The following PLD5 variants were observed in gnomAD, a reference collection of about 807,000 sequenced individuals.
PLD5 encodes phospholipase D family member 5.
Under a neutral mutation model 61.1 loss-of-function variants are expected in PLD5, and 36 were observed. That is an observed-to-expected ratio of 0.59 (90% CI 0.45 to 0.78). PLD5 has a LOEUF of 0.78. PLD5 is among the 30% of genes least tolerant of loss of function. The pLI is 0.00. For synonymous variants in PLD5, 243 were observed against 242.8 expected (o/e 1.00, Z -0.01); for missense variants, 515 against 644.4 (o/e 0.80, Z 2.17).
At chr1:242,342,857 G>A (rs1659916106) in intron 2 of PLD5, among the ~76,000 whole-genome samples, 1 of 152,052 alleles carries the variant, frequency 6.6e-6, no homozygotes, top group Non-Finnish European at 1.5e-5. Flanking sequence ...TTGATATTTT[G>A]TAGATTTGTG....
In PLD5 at chr1:242,265,433, C is replaced by G. The variant is rs12405001; in HGVS notation, c.511G>C (p.Glu171Gln). The G allele has an allele frequency of 0.016, 25,966 of 1,609,096 alleles. 854 individuals are homozygous for G. The highest frequency in any genetic ancestry group is 0.14 in the Admixed American group (8,260 of 59,290). The change falls in exon 4 of 10, where the codon GAA (glutamate) becomes CAA (glutamine). Residue 171 changes from glutamate (E) to glutamine (Q), a missense_variant. Physicochemically the swap from Glu to Gln is conservative, Grantham distance 29. Around this residue, in one of 2 missense-constraint regions of PLD5, gnomAD observed 450 missense variants for 598.1 expected, o/e 0.75. Coordinates refer to ENST00000536534, the MANE Select transcript of PLD5 (RefSeq NM_001372062.1). ...PSACQGQRLF[E>Q]KLLQLTSQNI... ...TGCGAAGTCAGCTGGAGCAACTTTT[C>G]AAAAAGACGTTGACCCTGGAAAAAA...
rs1156292888 is a variant in PLD5 at position 242,087,476 on chromosome 1, C to T, written c.*2378G>A. 3.9e-5 allele frequency: 6 copies of T among 152,126 alleles called. No individual in the cohort carries two copies. Among genetic ancestry groups the T allele is most frequent in the Non-Finnish European group, 8.8e-5 (6 of 68,032 alleles). 9.4% of individuals were successfully genotyped at this position (152,126 alleles called of 1,614,324 possible). A position where few individuals can be genotyped will look rare whatever the true frequency, so the allele number is the denominator to read the frequency against. On this transcript the variant is annotated 3_prime_UTR_variant, in exon 10 of 10. Transcript: ENST00000536534. ...CTTCAGGGGACAACTTGAGAACTAA[C>T]AAATTTTAGTTTATTTGGTTTTTTT...
intron 8 of PLD5, among the ~76,000 whole-genome samples, chr1:242,104,079 G>A (rs528754017): frequency 5.9e-5 from 9 of 152,132 alleles, no homozygotes; most frequent in South Asian, 2.1e-4. Flanking sequence ...GATATAATTC[G>A]GATGTGTAGC....
intron 1 of PLD5, among the ~76,000 whole-genome samples, chr1:242,372,670 C>G (rs1284932585): frequency 6.6e-6 from 1 of 152,096 alleles, no homozygotes; most frequent in East Asian, 1.9e-4. Context: ...TTTGACAAAC[C>G]TGACAAAAAC....
chr1:242,130,754 TTC>T lies in PLD5; in HGVS notation c.736-6091_736-6090del, dbSNP rs1488346846. On this transcript the variant is annotated intron_variant, in intron 5 of 9. Transcript: ENST00000536534. Reference sequence around the variant, plus strand: ...CTGATGGGCTGCTCTGACTTCCTAGTTCAATCACACAGTTGATTTATGCAGTC... The same window carrying T: ...CTGATGGGCTGCTCTGACTTCCTAGTAATCACACAGTTGATTTATGCAGTC... 2.0e-5 allele frequency among the ~76,000 whole-genome samples: 3 copies of T among 152,210 alleles called. No individual in the cohort carries two copies. The South Asian group carries it at 6.2e-4, about 31-fold the overall frequency.
intron 9 of PLD5, among the ~76,000 whole-genome samples, chr1:242,093,506 C>T (rs1053027344): frequency 2.0e-5 from 3 of 152,122 alleles, no homozygotes; most frequent in Non-Finnish European, 4.4e-5. Flanking sequence ...GTAATACAAA[C>T]GCCATCGTAT....
At chr1:242,452,356 C>A (rs1341213526) in intron 1 of PLD5, among the ~76,000 whole-genome samples, 1 of 152,114 alleles carries the variant, frequency 6.6e-6, no homozygotes, top group Non-Finnish European at 1.5e-5. Flanking sequence ...AAAATTGTTA[C>A]ACTTTTCAGC....
intron 1 of PLD5, among the ~76,000 whole-genome samples, chr1:242,484,587 A>C (rs1667894419): frequency 2.0e-5 from 3 of 152,220 alleles, no homozygotes; most frequent in Admixed American, 2.0e-4. Context: ...AACCAAAAAA[A>C]GTCCAGGACC....
chr1:242,374,817 A>G (rs1661853387), intron 1 of PLD5, among the ~76,000 whole-genome samples: 1 of 152,332 alleles, frequency 6.6e-6, no homozygotes, highest in Middle Eastern at 3.4e-3. Context: ...GTTAAACTTA[A>G]GCCCAAAAAT....
chr1:242,348,439 T>A (rs1447787015), intron 1 of PLD5, among the ~76,000 whole-genome samples, 197 bp from the exon 2 acceptor site: 1 of 152,104 alleles, frequency 6.6e-6, no homozygotes, highest in Non-Finnish European at 1.5e-5. Context: ...CAAACCCCAC[T>A]CTAAGTGATA....
intron 2 of PLD5, among the ~76,000 whole-genome samples, chr1:242,316,811 C>T (rs1464270235): frequency 2.0e-5 from 3 of 150,904 alleles, no homozygotes; most frequent in African/African-American, 4.9e-5. Flanking sequence ...CTCCCCTCTT[C>T]GTGTCCCTGT....
chr1:242,349,730 T>C (rs972502262), intron 1 of PLD5, among the ~76,000 whole-genome samples: 1 of 152,204 alleles, frequency 6.6e-6, no homozygotes, highest in African/African-American at 2.4e-5. Context: ...CTGTGACCAC[T>C]GTGACAAATC....
Position 242,232,556 on chromosome 1 carries a change from AT to A in PLD5, c.608-12442del, listed in dbSNP as rs565714319. Among the ~76,000 whole-genome samples, 17 of 152,288 alleles carry A rather than the reference AT, an allele frequency of 1.1e-4. No homozygotes were observed. The South Asian group carries it at 3.3e-3, about 30-fold the overall frequency. ...GAGTATATATAATTGAAGGAAAAAAATCATCAAGTCTTAGTACTTTAAAAGG... is the reference window on the plus strand; with the variant it reads ...GAGTATATATAATTGAAGGAAAAAAACATCAAGTCTTAGTACTTTAAAAGG... On this transcript the variant is annotated intron_variant, in intron 4 of 9. Transcript: ENST00000536534.
chr1:242,247,014 C>T (rs1173060682), intron 4 of PLD5, among the ~76,000 whole-genome samples: 12 of 139,574 alleles, frequency 8.6e-5, no homozygotes, highest in Admixed American at 3.9e-4. Context: ...GACGGAGTTT[C>T]GCTCTGTCGC....
chr1:242,507,015 G>A (rs2654857), intron 1 of PLD5, among the ~76,000 whole-genome samples: 31,718 of 152,082 alleles, frequency 0.21, 3,539 homozygotes, highest in African/African-American at 0.25. Context: ...AGGTGGCCCA[G>A]GCGGCAGGAA....
At chr1:242,111,692 T>C (rs1450071670) in intron 7 of PLD5, among the ~76,000 whole-genome samples, 1 of 152,226 alleles carries the variant, frequency 6.6e-6, no homozygotes, top group Non-Finnish European at 1.5e-5. Flanking sequence ...AGTCTGAATT[T>C]ATACAAGTAA....
intron 1 of PLD5, among the ~76,000 whole-genome samples, chr1:242,519,220 G>A (rs976998664): frequency 2.0e-5 from 3 of 152,148 alleles, no homozygotes; most frequent in African/African-American, 7.2e-5. Flanking sequence ...TGCTCCGTGG[G>A]ACAAAAATGA....
intron 2 of PLD5, among the ~76,000 whole-genome samples, chr1:242,295,545 A>C (rs1460951601): frequency 5.3e-5 from 8 of 152,198 alleles, no homozygotes; most frequent in Non-Finnish European, 8.8e-5. Flanking sequence ...TGTACCACTG[A>C]TAGATACTTA....
chr1:242,199,729 A>T (rs557217674), intron 5 of PLD5, among the ~76,000 whole-genome samples: 1 of 152,128 alleles, frequency 6.6e-6, no homozygotes, highest in African/African-American at 2.4e-5. Flanking sequence ...ATGTGTACAC[A>T]TTATTTGCCT....
Sources: allele counts gnomAD v4.1 joint callset (sites outside exome capture counted in the v4.1 genomes callset), GRCh38; gene constraint gnomAD v4.1.1; regional missense constraint gnomAD v4.1.1; transcripts MANE v1.5; gene names NCBI Gene and HGNC (gene_info 2026-07-23, HGNC 2026-07-21).